MAGI2: variants seen among roughly 807,000 people sequenced by gnomAD.
The protein encoded by MAGI2 is membrane-associated guanylate kinase, WW and PDZ domain-containing protein 2.
A neutral mutation model predicts 133.3 loss-of-function variants in MAGI2; 35 were observed. That is an observed-to-expected ratio of 0.26 (90% CI 0.20 to 0.35). The LOEUF (loss-of-function observed/expected upper bound fraction) is 0.35, where lower values mean the gene tolerates loss of function less well. MAGI2 is among the 10% of genes least tolerant of loss of function. The pLI, the probability that MAGI2 is intolerant of heterozygous loss-of-function variation, is 1.00. For missense variants in MAGI2, 1,636 were observed against 1,863.4 expected (o/e 0.88, Z 2.25); for synonymous variants, 729 against 710.6 (o/e 1.03, Z -0.41).
At chr7:78,055,113 G>A (rs1001937610) in intron 21 of MAGI2, among the ~76,000 whole-genome samples, 1 of 151,952 alleles carries the variant, frequency 6.6e-6, no homozygotes, top group Non-Finnish European at 1.5e-5. Flanking sequence ...ATTTTGATTT[G>A]CATTTTCTAT....
intron 1 of MAGI2, among the ~76,000 whole-genome samples, chr7:79,223,002 T>A (rs907068026): frequency 4.6e-5 from 7 of 151,942 alleles, no homozygotes; most frequent in South Asian, 2.1e-4. Flanking sequence ...CTCCTGCCTC[T>A]GCCTCCCGAG....
At chr7:78,570,872 A>C (rs566112546) in intron 3 of MAGI2, among the ~76,000 whole-genome samples, 22 of 152,262 alleles carry the variant, frequency 1.4e-4, no homozygotes, top group African/African-American at 5.3e-4. Context: ...AACAAATTCA[A>C]TGTCTGTGAT....
intron 2 of MAGI2, among the ~76,000 whole-genome samples, chr7:78,998,127 A>G (rs1806493678): frequency 6.6e-6 from 1 of 152,212 alleles, no homozygotes; most frequent in Non-Finnish European, 1.5e-5. Flanking sequence ...CTTGACATTC[A>G]TAGAAAAATC....
At chr7:78,047,858 G>A (rs1429607243) in intron 21 of MAGI2, among the ~76,000 whole-genome samples, 1 of 152,128 alleles carries the variant, frequency 6.6e-6, no homozygotes, top group African/African-American at 2.4e-5. Context: ...CGTTGATTTT[G>A]CCTATGACTG....
At chr7:78,395,794 G>T (rs1232804019) in intron 6 of MAGI2, among the ~76,000 whole-genome samples, 1 of 152,160 alleles carries the variant, frequency 6.6e-6, no homozygotes, top group South Asian at 2.1e-4. Context: ...TGGCAAGAAT[G>T]TGATGAACAT....
chr7:78,372,987 T>C (rs1212567203), intron 6 of MAGI2, among the ~76,000 whole-genome samples: 1 of 61,130 alleles, frequency 1.6e-5, no homozygotes, highest in Non-Finnish European at 3.2e-5. Context: ...TAAATAACCT[T>C]ATGTGTGTGT....
intron 6 of MAGI2, among the ~76,000 whole-genome samples, chr7:78,400,400 TTATAA>T (rs1796749585): frequency 6.6e-6 from 1 of 152,200 alleles, no homozygotes; most frequent in Non-Finnish European, 1.5e-5. Flanking sequence ...ACAAAATAGA[TTATAA>T]TATATTGTCA....
rs1337255678 is a variant in MAGI2, at chr7:79,282,474, G to GA, written c.301+170545dup. 2.3e-4 allele frequency among the ~76,000 whole-genome samples: 35 copies of GA among 151,942 alleles called. 1 individual carries two copies. Among genetic ancestry groups the GA allele is most frequent in the Admixed American group, 6.6e-5 (1 of 15,262 alleles). On this transcript the variant is annotated intron_variant, in intron 1 of 21. Coordinates refer to ENST00000354212, the MANE Select transcript of MAGI2 (RefSeq NM_012301.4). ...TTGTTTTTGTTGTTGTTTTCTGCAG[G>GA]AAAAAAGTTAGAGAGTTAATGAAGC...
chr7:78,140,933 T>C (rs1437213175), intron 16 of MAGI2, among the ~76,000 whole-genome samples: 2 of 152,174 alleles, frequency 1.3e-5, no homozygotes, highest in African/African-American at 4.8e-5. Flanking sequence ...GGCAAATACA[T>C]GGCAAATATA....
intron 6 of MAGI2, among the ~76,000 whole-genome samples, chr7:78,458,303 A>AG (rs892758335): frequency 1.3e-5 from 2 of 150,768 alleles, no homozygotes; most frequent in Non-Finnish European, 3.0e-5. Flanking sequence ...TCAAAAAAAA[A>AG]AAAAAAGAAT....
At chr7:78,069,149 AT>A (rs1814172837) in intron 21 of MAGI2, among the ~76,000 whole-genome samples, 1 of 152,162 alleles carries the variant, frequency 6.6e-6, no homozygotes, top group Non-Finnish European at 1.5e-5. Context: ...AAGTCATAGA[AT>A]GGAGAGCAAT....
At chr7:78,367,497 G>A (rs1250499730) in intron 7 of MAGI2, among the ~76,000 whole-genome samples, 1 of 152,202 alleles carries the variant, frequency 6.6e-6, no homozygotes, top group East Asian at 1.9e-4. Flanking sequence ...GAACGTAGCT[G>A]ATGTTGCTGA....
At position 78,018,844 on chromosome 7, in the gene MAGI2, C is replaced by T. The variant is rs1025991043; in HGVS notation, c.*471G>A. 4 of 275,940 alleles carry T rather than the reference C, an allele frequency of 1.4e-5. No homozygotes were observed. The highest frequency in any genetic ancestry group is 6.2e-5 in the East Asian group (1 of 16,012). The allele number at this position is 275,940 out of a possible 1,614,324, so 17.1% of individuals were successfully genotyped here. On this transcript the variant is annotated 3_prime_UTR_variant, in exon 22 of 22. Transcript: ENST00000354212. ...TGTCGAGAACAATTTATTTACAACGCTTTAGATCAATTAAAAGATATAATC... is the reference window on the plus strand; with the variant it reads ...TGTCGAGAACAATTTATTTACAACGTTTTAGATCAATTAAAAGATATAATC...
At chr7:78,094,269 G>A (rs958480234) in intron 20 of MAGI2, among the ~76,000 whole-genome samples, 48 of 152,116 alleles carry the variant, frequency 3.2e-4, no homozygotes, top group African/African-American at 1.1e-3. Flanking sequence ...TTCCTTGAGC[G>A]TATTTTCTAG....
chr7:78,342,248 C>A (rs1180357839), intron 9 of MAGI2, among the ~76,000 whole-genome samples: 2 of 152,176 alleles, frequency 1.3e-5, no homozygotes, highest in Non-Finnish European at 2.9e-5. Flanking sequence ...ATCAAAACCA[C>A]AATGAGATAC....
At position 79,235,168 on chromosome 7, in the gene MAGI2, C is replaced by T. The variant is rs1344060380; in HGVS notation, c.301+217852G>A. ...CTGCCCGTTCTCAGATCTCCAGCTG[C>T]GTGTTGGGAGAACCACTGCTCTCTT... On this transcript the variant is annotated intron_variant, in intron 1 of 21. Transcript: ENST00000354212. 3.9e-5 allele frequency among the ~76,000 whole-genome samples: 6 copies of T among 152,140 alleles called. No individual in the cohort carries two copies. In the East Asian group the frequency reaches 7.8e-4, roughly 20 times the overall value.
chr7:79,370,360 T>C (rs1445064059), intron 1 of MAGI2, among the ~76,000 whole-genome samples: 3 of 152,126 alleles, frequency 2.0e-5, no homozygotes, highest in African/African-American at 7.2e-5. Flanking sequence ...GCCTATACAT[T>C]CTTTGTGTAG....
At chr7:79,406,778 A>G (rs1403461640) in intron 1 of MAGI2, among the ~76,000 whole-genome samples, 1 of 152,168 alleles carries the variant, frequency 6.6e-6, no homozygotes, top group Admixed American at 6.5e-5. Flanking sequence ...GCTGTGAAGA[A>G]AACAGAAATG....
intron 6 of MAGI2, among the ~76,000 whole-genome samples, chr7:78,372,356 A>G (rs1379971690): frequency 3.9e-5 from 6 of 152,200 alleles, no homozygotes; most frequent in African/African-American, 1.4e-4. Flanking sequence ...GTTTAAAAAA[A>G]CAAAACAACT....
Sources: gnomAD v4.1 joint callset for allele counts (sites outside exome capture counted in the v4.1 genomes callset) on GRCh38, gnomAD v4.1.1 for gene constraint, MANE v1.5 for transcripts, NCBI Gene and HGNC (gene_info 2026-07-23, HGNC 2026-07-21) for gene names.